The following ARHGAP8 variants were observed in gnomAD, a reference collection of about 807,000 sequenced individuals.
ARHGAP8 encodes the protein Rho GTPase activating protein 8.
Under a neutral mutation model 46.1 loss-of-function variants are expected in ARHGAP8, and 62 were observed. The ratio of observed to expected loss-of-function variants is 1.34; its 90% CI spans 1.10 to 1.66. ARHGAP8 has a LOEUF of 1.66. ARHGAP8 is among the 40% of genes most tolerant of loss of function. ARHGAP8 has a pLI of 0.00. For missense variants in ARHGAP8, 923 were observed against 568.4 expected (o/e 1.62, Z -6.34); for synonymous variants, 375 against 243.1 (o/e 1.54, Z -5.05).
chr22:44,856,143 C>A (rs934681467), intron 10 of ARHGAP8, among the ~76,000 whole-genome samples: 1 of 152,064 alleles, frequency 6.6e-6, no homozygotes, highest in Non-Finnish European at 1.5e-5. Context: ...CACCCGTCAC[C>A]CATCCCCACC....
At chr22:44,841,823 ACAG>A (rs1931672011) in intron 7 of ARHGAP8, among the ~76,000 whole-genome samples, 1 of 152,172 alleles carries the variant, frequency 6.6e-6, no homozygotes, top group African/African-American at 2.4e-5. Flanking sequence ...CTCACGTCCC[ACAG>A]CAGGGCACAT....
At position 44,797,638 on chromosome 22, in the gene ARHGAP8, A is replaced by G. The variant is rs1252417417; in HGVS notation, c.80-4439A>G. Among the ~76,000 whole-genome samples the G allele has an allele frequency of 2.0e-5, 3 of 152,326 alleles. No homozygotes were observed. In the East Asian group the frequency reaches 5.8e-4, roughly 29 times the overall value. On this transcript the variant is annotated intron_variant, in intron 2 of 11. Transcript: ENST00000356099. ...GCTGTGAAATTGCTCTAGGATTCCA[A>G]ACCTCGGAGTAGCTTCCAGGCTCCT...
intron 11 of ARHGAP8, among the ~76,000 whole-genome samples, chr22:44,861,712 T>C (rs1414282385): frequency 6.6e-6 from 1 of 152,154 alleles, no homozygotes; most frequent in Non-Finnish European, 1.5e-5. Flanking sequence ...CCACATGACC[T>C]TGGGCAAGTC....
At chr22:44,821,533 C>G (rs1205177903) in intron 5 of ARHGAP8, among the ~76,000 whole-genome samples, 1 of 152,168 alleles carries the variant, frequency 6.6e-6, no homozygotes, top group East Asian at 1.9e-4. Flanking sequence ...CAAACCTAGA[C>G]TATCATAAAG....
At chr22:44,859,510 T>C (rs989205144) in intron 10 of ARHGAP8, among the ~76,000 whole-genome samples, 7 of 152,142 alleles carry the variant, frequency 4.6e-5, no homozygotes, top group Admixed American at 3.9e-4. Flanking sequence ...CAGTTAAACC[T>C]CTTTTCTTAT....
intron 2 of ARHGAP8, among the ~76,000 whole-genome samples, chr22:44,800,030 A>AGGGGCACGGAGGATGGTCTGCAGG (rs1928369765): frequency 6.8e-6 from 1 of 146,154 alleles, no homozygotes; most frequent in African/African-American, 2.6e-5. Context: ...CTGTGTCTGC[A>AGGGGCACGGAGGATGGTCTGCAGG]GGCACGGAGG....
intron 7 of ARHGAP8, among the ~76,000 whole-genome samples, chr22:44,829,367 T>G (rs13058073): frequency 0.12 from 18,784 of 151,370 alleles, 1,474 homozygotes; most frequent in East Asian, 0.28. Context: ...CTGAGTGAAG[T>G]GTGGGAAAAT....
intron 1 of ARHGAP8, chr22:44,777,180 C>T (rs132479): frequency 0.19 from 29,158 of 152,004 alleles, 3,677 homozygotes; most frequent in African/African-American, 0.37. Context: ...TACCACCTCC[C>T]GCTGGGCCCA....
At chr22:44,819,329 A>C (rs1312451500) in intron 5 of ARHGAP8, among the ~76,000 whole-genome samples, 1 of 152,184 alleles carries the variant, frequency 6.6e-6, no homozygotes, top group Admixed American at 6.5e-5. Flanking sequence ...GGCCTCTCAA[A>C]GTGCTGGGAT....
At chr22:44,801,971 C>T (rs960603658) in intron 2 of ARHGAP8, 106 bp from the exon 3 acceptor site, 38 of 1,350,318 alleles carry the variant, frequency 2.8e-5, no homozygotes, top group African/African-American at 5.8e-5. Context: ...GCTGCCTGTG[C>T]CTCCCAGCTC....
intron 1 of ARHGAP8, among the ~76,000 whole-genome samples, chr22:44,758,896 C>G: frequency 6.6e-6 from 1 of 152,156 alleles, no homozygotes; most frequent in East Asian, 1.9e-4. Context: ...GGAGAGAGGT[C>G]GGTCCTGAGA....
At chr22:44,848,657 T>C (rs1352497055) in intron 9 of ARHGAP8, among the ~76,000 whole-genome samples, 2 of 152,184 alleles carry the variant, frequency 1.3e-5, no homozygotes, top group African/African-American at 2.4e-5. Context: ...AGAGCTGGCA[T>C]TGTAGCCGGG....
At chr22:44,810,676 G>T (rs1422444333) in intron 4 of ARHGAP8, among the ~76,000 whole-genome samples, 7 of 152,194 alleles carry the variant, frequency 4.6e-5, no homozygotes, top group Non-Finnish European at 8.8e-5. Flanking sequence ...GGAGTGGTGG[G>T]CAGGGTGTTG....
At chr22:44,849,169 C>T in intron 10 of ARHGAP8, 109 bp downstream of exon 10, 4 of 1,553,582 alleles carry the variant, frequency 2.6e-6, no homozygotes, top group Non-Finnish European at 3.5e-6. Context: ...GTGTACCCAC[C>T]CTCCTCCTGT....
chr22:44,846,345 G>A (rs1466442673), intron 8 of ARHGAP8, among the ~76,000 whole-genome samples: 2 of 152,224 alleles, frequency 1.3e-5, no homozygotes, highest in African/African-American at 4.8e-5. Context: ...ACCTGCTTTA[G>A]ACAGGCGGGG....
intron 2 of ARHGAP8, among the ~76,000 whole-genome samples, chr22:44,796,676 CG>C (rs1928111566): frequency 6.6e-6 from 1 of 152,284 alleles, no homozygotes; most frequent in Admixed American, 6.5e-5. Flanking sequence ...CTTAACTCCA[CG>C]GGAGAAGTCA....
At chr22:44,854,952 G>T (rs1386705132) in intron 10 of ARHGAP8, among the ~76,000 whole-genome samples, 2 of 152,088 alleles carry the variant, frequency 1.3e-5, no homozygotes, top group Non-Finnish European at 2.9e-5. Flanking sequence ...AACCTATACA[G>T]CTGTTTTTAA....
chr22:44,806,569 T>A (rs929729200), intron 3 of ARHGAP8, among the ~76,000 whole-genome samples: 3 of 152,096 alleles, frequency 2.0e-5, no homozygotes, highest in African/African-American at 7.2e-5. Flanking sequence ...AGTACCTGGC[T>A]CCTAGGGTCA....
intron 11 of ARHGAP8, among the ~76,000 whole-genome samples, 163 bp from the exon 12 acceptor site, chr22:44,862,112 T>A (rs183377228): frequency 6.6e-6 from 1 of 152,156 alleles, no homozygotes; most frequent in Non-Finnish European, 1.5e-5. Flanking sequence ...ACTAAGGCCC[T>A]GAGTGGGCAG....
Sources: allele counts gnomAD v4.1 joint callset (sites outside exome capture counted in the v4.1 genomes callset), GRCh38; gene constraint gnomAD v4.1.1; transcripts MANE v1.5; gene names NCBI Gene and HGNC (gene_info 2026-07-23, HGNC 2026-07-21).